Variants in LRRC7 observed in about 807,000 individuals in gnomAD.
LRRC7 encodes the protein leucine-rich repeat-containing protein 7.
Under a neutral mutation model 175.7 loss-of-function variants are expected in LRRC7, and 23 were observed. The observed-to-expected ratio is 0.13, with a 90% CI of 0.09 to 0.19. LRRC7 has a LOEUF of 0.19. Among genes scored for constraint, LRRC7 ranks in the 10% least tolerant of loss-of-function variants. LRRC7 has a pLI of 1.00. For missense variants in LRRC7, 1,354 were observed against 1,904.7 expected (o/e 0.71, Z 5.38); for synonymous variants, 685 against 680.9 (o/e 1.01, Z -0.09).
intron 8 of LRRC7, among the ~76,000 whole-genome samples, chr1:69,950,310 A>G (rs1299602881): frequency 6.6e-6 from 1 of 152,068 alleles, no homozygotes; most frequent in African/African-American, 2.4e-5. Flanking sequence ...GTCCAGGGTA[A>G]AGAAATAATT....
At chr1:69,934,724 G>A (rs1057483111) in intron 8 of LRRC7, among the ~76,000 whole-genome samples, 1 of 151,040 alleles carries the variant, frequency 6.6e-6, no homozygotes, top group Non-Finnish European at 1.5e-5. Flanking sequence ...TATTATTTGG[G>A]GCCAGGTCAG....
intron 7 of LRRC7, among the ~76,000 whole-genome samples, chr1:69,881,162 T>C (rs1686563180): frequency 6.6e-6 from 1 of 152,220 alleles, no homozygotes; most frequent in Admixed American, 6.5e-5. Context: ...TTATTCATCA[T>C]TATAGCTCCA....
At chr1:70,002,928 A>T (rs1476264768) in intron 11 of LRRC7, among the ~76,000 whole-genome samples, 1 of 152,198 alleles carries the variant, frequency 6.6e-6, no homozygotes, top group Non-Finnish European at 1.5e-5. Flanking sequence ...AGAAAAATAT[A>T]AGTATTTGCA....
At chr1:70,042,369 T>C (rs1358565102) in intron 21 of LRRC7, among the ~76,000 whole-genome samples, 1 of 152,220 alleles carries the variant, frequency 6.6e-6, no homozygotes, top group African/African-American at 2.4e-5. Context: ...TGAAATTTAA[T>C]TGGGTCATTT....
chr1:69,762,539 G>A (rs998171033), intron 3 of LRRC7, among the ~76,000 whole-genome samples: 3 of 151,980 alleles, frequency 2.0e-5, no homozygotes, highest in Non-Finnish European at 4.4e-5. Context: ...GAAGGGAGCA[G>A]AGTTGTGAAG....
chr1:70,040,859 G>T (rs1659831515), intron 21 of LRRC7, among the ~76,000 whole-genome samples: 1 of 152,058 alleles, frequency 6.6e-6, no homozygotes, highest in Admixed American at 6.6e-5. Flanking sequence ...CATGTAATAT[G>T]CAGGGATCAG....
intron 4 of LRRC7, among the ~76,000 whole-genome samples, chr1:69,794,365 T>C (rs1480895475): frequency 6.6e-6 from 1 of 152,194 alleles, no homozygotes; most frequent in African/African-American, 2.4e-5. Context: ...TACACCAACT[T>C]GACTTGCCAC....
chr1:69,732,988 A>G (rs1667741842), intron 2 of LRRC7, among the ~76,000 whole-genome samples: 2 of 152,048 alleles, frequency 1.3e-5, no homozygotes, highest in Admixed American at 1.3e-4. Flanking sequence ...TCTAGAAGAG[A>G]TTCAGTGTAA....
chr1:69,658,968 A>G (rs990350218), intron 1 of LRRC7, among the ~76,000 whole-genome samples: 1 of 152,082 alleles, frequency 6.6e-6, no homozygotes, highest in Non-Finnish European at 1.5e-5. Flanking sequence ...CTAAAGGAGC[A>G]TAGAAAAGGA....
At chr1:69,937,566 A>G (rs1648175030) in intron 8 of LRRC7, among the ~76,000 whole-genome samples, 1 of 152,018 alleles carries the variant, frequency 6.6e-6, no homozygotes, top group Non-Finnish European at 1.5e-5. Flanking sequence ...GGAATTTGTA[A>G]AAATCTGTAC....
At chr1:69,778,911 CACAT>C (rs965115301) in intron 3 of LRRC7, among the ~76,000 whole-genome samples, 4 of 149,234 alleles carry the variant, frequency 2.7e-5, no homozygotes, top group Non-Finnish European at 5.9e-5. Context: ...TATATACACA[CACAT>C]ACACACACAC....
chr1:69,748,942 T>C (rs923977832), intron 2 of LRRC7, among the ~76,000 whole-genome samples: 8 of 152,196 alleles, frequency 5.3e-5, no homozygotes, highest in African/African-American at 1.9e-4. Flanking sequence ...GAGAGTATCC[T>C]AATGCTTAGA....
intron 2 of LRRC7, among the ~76,000 whole-genome samples, chr1:69,744,951 C>T (rs149408105): frequency 9.8e-4 from 149 of 151,938 alleles, no homozygotes; most frequent in Admixed American, 2.4e-3. Flanking sequence ...TAATCATTTA[C>T]ATGGTTCTCT....
At chr1:69,617,547 T>TAAAAAAAAAAAGAAAAA (rs1649836089) in intron 1 of LRRC7, among the ~76,000 whole-genome samples, 1 of 62,008 alleles carries the variant, frequency 1.6e-5, no homozygotes, top group Non-Finnish European at 3.0e-5. Flanking sequence ...ATACTCACAG[T>TAAAAAAAAAAAGAAAAA]AAAAAAAAAA....
chr1:69,819,739 G>T lies in LRRC7; in HGVS notation c.422-6009G>T, dbSNP rs182331346. On this transcript the variant is annotated intron_variant, in intron 4 of 26. Transcript: ENST00000651989. Reference sequence around the variant, plus strand: ...ATATATTTAGGTTATCTGATATTGGGTGCATATATATTTAAATTATATCCT... The same window carrying T: ...ATATATTTAGGTTATCTGATATTGGTTGCATATATATTTAAATTATATCCT... 3.4e-4 allele frequency among the ~76,000 whole-genome samples: 51 copies of T among 151,906 alleles called. No homozygotes were observed. In the East Asian group the frequency reaches 6.8e-3, roughly 20 times the overall value.
chr1:69,600,480 G>C (rs545935607), intron 1 of LRRC7, among the ~76,000 whole-genome samples: 5 of 152,146 alleles, frequency 3.3e-5, no homozygotes, highest in African/African-American at 1.2e-4. Flanking sequence ...TGTTATTTTT[G>C]TTCTCATAAT....
chr1:69,956,324 C>T (rs1650479135), intron 8 of LRRC7, among the ~76,000 whole-genome samples: 1 of 151,904 alleles, frequency 6.6e-6, no homozygotes, highest in South Asian at 2.1e-4. Flanking sequence ...GAGTTTCCCT[C>T]TTCTCCACAC....
At chr1:69,859,580 AATTAGCAAT>A (rs1307569295) in intron 7 of LRRC7, among the ~76,000 whole-genome samples, 2 of 152,024 alleles carry the variant, frequency 1.3e-5, no homozygotes, top group African/African-American at 4.8e-5. Flanking sequence ...CTCTGATGGC[AATTAGCAAT>A]AATGGATTCT....
At chr1:69,604,895 TC>T (rs1208385679) in intron 1 of LRRC7, among the ~76,000 whole-genome samples, 8 of 152,304 alleles carry the variant, frequency 5.3e-5, no homozygotes, top group African/African-American at 1.7e-4. Context: ...AAAAGACACT[TC>T]ATGCACGTGT....
Sources: gnomAD v4.1 joint callset for allele counts (sites outside exome capture counted in the v4.1 genomes callset) on GRCh38, gnomAD v4.1.1 for gene constraint, MANE v1.5 for transcripts, NCBI Gene and HGNC (gene_info 2026-07-23, HGNC 2026-07-21) for gene names.